INPP4B: variants seen among roughly 807,000 people sequenced by gnomAD.
The protein encoded by INPP4B is inositol polyphosphate 4-phosphatase type II.
Under a neutral mutation model 122.5 loss-of-function variants are expected in INPP4B, and 55 were observed. The ratio of observed to expected loss-of-function variants is 0.45; its 90% CI spans 0.36 to 0.56. The LOEUF is 0.56. Ranked by LOEUF, INPP4B falls within the 20% of genes least tolerant of loss-of-function variation. The probability of loss-of-function intolerance (pLI) is 0.00; values close to 1 mark genes in which losing one functional copy is unlikely to be tolerated. For missense variants in INPP4B, 1,000 were observed against 1,097.7 expected, an observed-to-expected ratio of 0.91 and a Z score of 1.26; for synonymous variants, 403 against 388.7, an observed-to-expected ratio of 1.04 and a Z score of -0.43.
At chr4:142,264,239 C>T (rs1259810737) in intron 10 of INPP4B, among the ~76,000 whole-genome samples, 1 of 151,940 alleles carries the variant, frequency 6.6e-6, no homozygotes, top group Non-Finnish European at 1.5e-5. Flanking sequence ...TTACTGTAAA[C>T]ATCCAGGTGA....
At chr4:142,539,166 T>C (rs1225275486) in intron 2 of INPP4B, among the ~76,000 whole-genome samples, 1 of 150,816 alleles carries the variant, frequency 6.6e-6, no homozygotes, top group Non-Finnish European at 1.5e-5. Flanking sequence ...AATATATATA[T>C]ATATATACTG....
At chr4:142,664,813 T>C (rs1027965860) in intron 2 of INPP4B, among the ~76,000 whole-genome samples, 3 of 152,328 alleles carry the variant, frequency 2.0e-5, no homozygotes, top group African/African-American at 7.2e-5. Context: ...CCAAAATCCT[T>C]ATGTAGTCAT....
chr4:142,522,090 T>C (rs1826156173), intron 2 of INPP4B, among the ~76,000 whole-genome samples: 2 of 152,160 alleles, frequency 1.3e-5, no homozygotes, highest in Non-Finnish European at 1.5e-5. Context: ...TATGCATATA[T>C]GTAAAACAAT....
At chr4:142,342,995 G>A (rs548971659) in intron 7 of INPP4B, among the ~76,000 whole-genome samples, 3 of 152,116 alleles carry the variant, frequency 2.0e-5, no homozygotes, top group Non-Finnish European at 4.4e-5. Flanking sequence ...AATTTGGATA[G>A]AAACCCTGTT....
chr4:142,524,196 T>C (rs1208666331), intron 2 of INPP4B, among the ~76,000 whole-genome samples: 2 of 152,224 alleles, frequency 1.3e-5, no homozygotes, highest in Admixed American at 6.5e-5. Flanking sequence ...CTGGGTCAAA[T>C]GGTATTTCTA....
At chr4:142,529,069 A>C (rs1220909895) in intron 2 of INPP4B, among the ~76,000 whole-genome samples, 1 of 152,110 alleles carries the variant, frequency 6.6e-6, no homozygotes, top group East Asian at 1.9e-4. Flanking sequence ...GATGTCGCAA[A>C]ATGAAATGTG....
At chr4:142,425,959 C>G (rs1359920871) in intron 5 of INPP4B, among the ~76,000 whole-genome samples, 1 of 152,000 alleles carries the variant, frequency 6.6e-6, no homozygotes, top group Non-Finnish European at 1.5e-5. Context: ...GGTCATTTGG[C>G]TTGCATTGAG....
chr4:142,287,119 T>A (rs893279877), intron 9 of INPP4B: 12 of 152,172 alleles, frequency 7.9e-5, no homozygotes, highest in African/African-American at 2.9e-4. Flanking sequence ...TTGAGAAAAA[T>A]GTTTCCTACA....
chr4:142,497,899 A>G (rs72946870), intron 2 of INPP4B, among the ~76,000 whole-genome samples: 7,304 of 152,226 alleles, frequency 0.048, 220 homozygotes, highest in Middle Eastern at 0.078. Context: ...CATTTCAAAA[A>G]AAGCTGAAGT....
At chr4:142,837,016 G>A (rs979615204) in intron 1 of INPP4B, among the ~76,000 whole-genome samples, 1 of 151,614 alleles carries the variant, frequency 6.6e-6, no homozygotes, top group Non-Finnish European at 1.5e-5. Context: ...AAATACAAAA[G>A]TTAGCAGGGC....
At chr4:142,205,900 A>G (rs954507938) in intron 14 of INPP4B, among the ~76,000 whole-genome samples, 1 of 152,108 alleles carries the variant, frequency 6.6e-6, no homozygotes, top group African/African-American at 2.4e-5. Flanking sequence ...TATTCAAGCT[A>G]TTGACAGACA....
At chr4:142,732,772 T>C (rs923673542) in intron 1 of INPP4B, among the ~76,000 whole-genome samples, 2 of 152,150 alleles carry the variant, frequency 1.3e-5, no homozygotes, top group African/African-American at 4.8e-5. Context: ...TTAATCTGGA[T>C]ATTCATGGTA....
chr4:142,143,141 C>T (rs946632392), intron 18 of INPP4B, among the ~76,000 whole-genome samples: 11 of 152,068 alleles, frequency 7.2e-5, no homozygotes, highest in African/African-American at 2.2e-4. Flanking sequence ...GTGATCCACT[C>T]CTTGGTTTTT....
chr4:142,537,451 G>T (rs1345304275), intron 2 of INPP4B, among the ~76,000 whole-genome samples: 10 of 116,038 alleles, frequency 8.6e-5, no homozygotes, highest in Admixed American at 4.1e-4. Context: ...GAGAGAGAGA[G>T]AGAGAGAGAG....
rs572092121 is a variant in INPP4B, at chr4:142,152,066, C to CTTTTTTT, written c.1564-6077_1564-6071dup. ...TGCCTAACATGCTTTTTTGTCTTTT[C>CTTTTTTT]TTTTTTTTTTTTTTTTTTTTTTTTT... On this transcript the variant is annotated intron_variant, in intron 17 of 25. Coordinates refer to ENST00000262992, the MANE Select transcript of INPP4B (RefSeq NM_001101669.3). 2.7e-4 allele frequency among the ~76,000 whole-genome samples: 19 copies of CTTTTTTT among 69,954 alleles called. 1 individual carries two copies. The highest frequency in any genetic ancestry group is 9.4e-4 in the African/African-American group (17 of 18,004). The allele number at this position is 69,954 out of a possible 152,430, so 45.9% of individuals were successfully genotyped here. A position where few individuals can be genotyped will look rare whatever the true frequency, so the allele number is the denominator to read the frequency against.
intron 7 of INPP4B, among the ~76,000 whole-genome samples, chr4:142,395,369 T>C (rs1192395126): frequency 6.6e-6 from 1 of 152,222 alleles, no homozygotes; most frequent in Non-Finnish European, 1.5e-5. Flanking sequence ...TGCTAGAGAC[T>C]GTTACCCGCA....
intron 2 of INPP4B, among the ~76,000 whole-genome samples, chr4:142,631,948 A>T (rs975425120): frequency 9.2e-5 from 14 of 152,274 alleles, no homozygotes; most frequent in Non-Finnish European, 1.8e-4. Context: ...AGACAGACAG[A>T]TCTCCACACT....
intron 1 of INPP4B, among the ~76,000 whole-genome samples, chr4:142,841,625 T>C (rs13122287): frequency 0.35 from 53,034 of 151,704 alleles, 9,454 homozygotes; most frequent in South Asian, 0.48. Context: ...AAATCATTGT[T>C]GCTTAACATT....
At chr4:142,062,111 A>G (rs886845945) in intron 25 of INPP4B, among the ~76,000 whole-genome samples, 1 of 152,054 alleles carries the variant, frequency 6.6e-6, no homozygotes, top group African/African-American at 2.4e-5. Flanking sequence ...TATTTCCTCA[A>G]ACACAGAGAT....
Sources: gnomAD v4.1 joint callset for allele counts (sites outside exome capture counted in the v4.1 genomes callset) on GRCh38, gnomAD v4.1.1 for gene constraint, MANE v1.5 for transcripts, NCBI Gene and HGNC (gene_info 2026-07-23, HGNC 2026-07-21) for gene names.